The following PPARGC1A variants were observed in gnomAD, a reference collection of about 807,000 sequenced individuals.
The protein encoded by PPARGC1A is peroxisome proliferator-activated receptor gamma coactivator 1-alpha.
Under a neutral mutation model 88.7 loss-of-function variants are expected in PPARGC1A, and 25 were observed. The observed-to-expected ratio is 0.28, with a 90% confidence interval of 0.21 to 0.39. PPARGC1A has a LOEUF of 0.39. Ranked by LOEUF, PPARGC1A falls within the 10% of genes least tolerant of loss-of-function variation. PPARGC1A has a pLI of 1.00. For missense variants in PPARGC1A, 880 were observed against 968.7 expected, an observed-to-expected ratio of 0.91 and a Z score of 1.22; for synonymous variants, 363 against 355.6, an observed-to-expected ratio of 1.02 and a Z score of -0.24.
chr4:24,090,360 T>C, the PPARGC1A span, among the ~76,000 whole-genome samples: 1 of 152,244 alleles, frequency 6.6e-6, no homozygotes, highest in African/African-American at 2.4e-5. Flanking sequence ...AGGGTGTTTT[T>C]TTCTGAAGCT....
At chr4:23,872,607 A>G (rs1039502579) in intron 2 of PPARGC1A, among the ~76,000 whole-genome samples, 13 of 152,178 alleles carry the variant, frequency 8.5e-5, no homozygotes, top group Admixed American at 5.9e-4. Flanking sequence ...AGACAGATGG[A>G]GAAATTCCCT....
chr4:24,333,137 G>A, the PPARGC1A span, among the ~76,000 whole-genome samples: 13 of 152,292 alleles, frequency 8.5e-5, no homozygotes, highest in African/African-American at 3.1e-4. Context: ...AGCTACTCAG[G>A]AGGCTGAGAG....
chr4:24,038,366 C>A, the PPARGC1A span, among the ~76,000 whole-genome samples: 1 of 152,050 alleles, frequency 6.6e-6, no homozygotes, highest in Admixed American at 6.6e-5. Flanking sequence ...TTTACCTAAG[C>A]CTTCCTTTAA....
the PPARGC1A span, among the ~76,000 whole-genome samples, chr4:23,931,023 C>T: frequency 3.3e-5 from 5 of 152,148 alleles, no homozygotes; most frequent in South Asian, 4.1e-4. Flanking sequence ...TGGCATTTTC[C>T]GTTGCTAGGG....
chr4:24,330,874 G>T, the PPARGC1A span, among the ~76,000 whole-genome samples: 1 of 152,216 alleles, frequency 6.6e-6, no homozygotes, highest in South Asian at 2.1e-4. Context: ...ACTCCTCCAA[G>T]ACATAGTCTC....
At chr4:24,244,318 T>A in the PPARGC1A span, among the ~76,000 whole-genome samples, 1 of 152,216 alleles carries the variant, frequency 6.6e-6, no homozygotes, top group Non-Finnish European at 1.5e-5. Context: ...AATTATAATA[T>A]TTCATATATT....
the PPARGC1A span, among the ~76,000 whole-genome samples, chr4:24,130,547 G>A: frequency 1.3e-5 from 2 of 152,052 alleles, no homozygotes; most frequent in Non-Finnish European, 2.9e-5. Flanking sequence ...AGAAACTGGG[G>A]TTCAGAGAGA....
the PPARGC1A span, among the ~76,000 whole-genome samples, chr4:23,973,498 G>A: frequency 6.6e-6 from 1 of 152,014 alleles, no homozygotes; most frequent in Non-Finnish European, 1.5e-5. Flanking sequence ...GAGAGAGAGA[G>A]GAAACCCTCT....
chr4:24,370,331 T>C, the PPARGC1A span, among the ~76,000 whole-genome samples: 1 of 152,120 alleles, frequency 6.6e-6, no homozygotes, highest in Non-Finnish European at 1.5e-5. Flanking sequence ...TTTCATATGG[T>C]TTGGCCTAAT....
At chr4:24,038,421 T>C in the PPARGC1A span, among the ~76,000 whole-genome samples, 1 of 152,190 alleles carries the variant, frequency 6.6e-6, no homozygotes, top group Non-Finnish European at 1.5e-5. Flanking sequence ...TGGGTACCCC[T>C]TGAGCCAATG....
chr4:24,280,957 C>G, the PPARGC1A span, among the ~76,000 whole-genome samples: 1 of 152,194 alleles, frequency 6.6e-6, no homozygotes, highest in Non-Finnish European at 1.5e-5. Context: ...ATCAACCAAC[C>G]AAAGCTGGAG....
the PPARGC1A span, among the ~76,000 whole-genome samples, chr4:23,932,366 C>G: frequency 6.6e-6 from 1 of 152,142 alleles, no homozygotes; most frequent in African/African-American, 2.4e-5. Context: ...TGCTATCCTT[C>G]CATTCTATAG....
chr4:24,002,126 A>AG, the PPARGC1A span, among the ~76,000 whole-genome samples: 1 of 148,160 alleles, frequency 6.7e-6, no homozygotes, highest in African/African-American at 2.5e-5. Context: ...AGAGAGAGAG[A>AG]ACTTGAAGAC....
chr4:24,206,840 TAAAAAAAAAAAAAAAAAAAAA>T, the PPARGC1A span, among the ~76,000 whole-genome samples: 19 of 43,682 alleles, frequency 4.3e-4, no homozygotes, highest in Admixed American at 6.5e-3. Flanking sequence ...GACTTCACCT[TAAAAAAAAAAAAAAAAAAAAA>T]AAAAAAAAAA....
the PPARGC1A span, among the ~76,000 whole-genome samples, chr4:24,118,445 T>C: frequency 2.0e-5 from 3 of 152,184 alleles, no homozygotes; most frequent in Non-Finnish European, 4.4e-5. Flanking sequence ...ACTCAACTCC[T>C]GGTCACTGCC....
chr4:23,964,845 G>A, the PPARGC1A span, among the ~76,000 whole-genome samples: 1 of 152,190 alleles, frequency 6.6e-6, no homozygotes, highest in Non-Finnish European at 1.5e-5. Flanking sequence ...AGCCAACAGA[G>A]AGGAGAGTTT....
upstream of PPARGC1A, among the ~76,000 whole-genome samples, chr4:23,904,616 T>C (rs1560544237): frequency 2.0e-5 from 3 of 152,168 alleles, no homozygotes; most frequent in African/African-American, 7.2e-5. Context: ...CTTTACTGGA[T>C]TATTTCACCC....
chr4:24,436,347 C>T, the PPARGC1A span, among the ~76,000 whole-genome samples: 50 of 152,354 alleles, frequency 3.3e-4, no homozygotes, highest in African/African-American at 6.0e-4. Flanking sequence ...CAATGTGGCT[C>T]GACACAGCAC....
At chr4:24,343,748 G>C in the PPARGC1A span, among the ~76,000 whole-genome samples, 1 of 151,402 alleles carries the variant, frequency 6.6e-6, no homozygotes, top group Non-Finnish European at 1.5e-5. Context: ...TTGGGGAAAT[G>C]CTTTTTTTTT....
Sources: gnomAD v4.1 joint callset for allele counts (sites outside exome capture counted in the v4.1 genomes callset) on GRCh38, gnomAD v4.1.1 for gene constraint, MANE v1.5 for transcripts, NCBI Gene and HGNC (gene_info 2026-07-23, HGNC 2026-07-21) for gene names.